The following C12orf42 variants were observed in gnomAD, a reference collection of about 807,000 sequenced individuals.
C12orf42 encodes the protein chromosome 12 open reading frame 42.
Under a neutral mutation model 21.6 loss-of-function variants are expected in C12orf42, and 25 were observed. The observed-to-expected ratio is 1.16, with a 90% confidence interval of 0.84 to 1.62. The LOEUF (loss-of-function observed/expected upper bound fraction) is 1.62. C12orf42 is among the 40% of genes most tolerant of loss of function. C12orf42 has a pLI of 0.00. For missense variants in C12orf42, 483 were observed against 459.3 expected (o/e 1.05, Z -0.47); for synonymous variants, 174 against 175.0 (o/e 0.99, Z 0.05).
the C12orf42 span, among the ~76,000 whole-genome samples, chr12:103,055,959 T>A: frequency 3.3e-5 from 5 of 152,224 alleles, no homozygotes; most frequent in South Asian, 8.3e-4. Flanking sequence ...TGACCCATGA[T>A]ATAGTCTATT....
In C12orf42 at chr12:103,302,306, C is replaced by T; in HGVS notation, c.885G>A (p.Arg295=). The T allele has an allele frequency of 6.2e-7, 1 of 1,613,908 alleles. No individual in the cohort carries two copies. Among genetic ancestry groups the T allele is most frequent in the Non-Finnish European group, 8.5e-7 (1 of 1,179,872 alleles). The change falls in exon 6 of 6, where the codon AGG becomes AGA. Residue 295 remains arginine, a synonymous_variant. Transcript: ENST00000548883. ...GGAGGGAGGTGTCCGCCTGAGGCCT[C>T]CTGTCCCGCGGGGTATGAGGATGCT... is the stretch of plus-strand genomic sequence containing the variant. ...LPKHPHTPRD[R]RPQADTSLHG... is the part of the protein sequence containing the mutation.
chr12:103,456,844 T>A (rs1020509441), intron 2 of C12orf42, among the ~76,000 whole-genome samples: 2 of 152,206 alleles, frequency 1.3e-5, no homozygotes, highest in African/African-American at 4.8e-5. Context: ...TGTATTACTT[T>A]ACTAAATCAA....
At chr12:103,449,449 C>G (rs1951800658) in intron 2 of C12orf42, among the ~76,000 whole-genome samples, 1 of 151,824 alleles carries the variant, frequency 6.6e-6, no homozygotes, top group African/African-American at 2.4e-5. Context: ...AGAACTTATT[C>G]ATGTAACCAA....
intron 4 of C12orf42, among the ~76,000 whole-genome samples, chr12:103,359,961 C>T (rs1047692149): frequency 2.0e-5 from 3 of 151,596 alleles, no homozygotes; most frequent in African/African-American, 7.3e-5. Context: ...TGAATATTAC[C>T]TCCTAAGTAG....
chr12:103,060,262 A>T, the C12orf42 span, among the ~76,000 whole-genome samples: 2 of 152,202 alleles, frequency 1.3e-5, no homozygotes, highest in Non-Finnish European at 2.9e-5. Flanking sequence ...TAGGAATACA[A>T]CTTACAAGGG....
At chr12:103,090,894 G>A in the C12orf42 span, among the ~76,000 whole-genome samples, 1 of 151,824 alleles carries the variant, frequency 6.6e-6, no homozygotes, top group Non-Finnish European at 1.5e-5. Context: ...AGAGAGGGAG[G>A]GCTCTTCATG....
At chr12:103,074,700 G>A in the C12orf42 span, among the ~76,000 whole-genome samples, 7,360 of 152,234 alleles carry the variant, frequency 0.048, 210 homozygotes, top group Non-Finnish European at 0.062. Context: ...TATAAAGTTA[G>A]AATGCATATG....
chr12:103,517,868 C>T, the C12orf42 span, among the ~76,000 whole-genome samples: 1 of 151,972 alleles, frequency 6.6e-6, no homozygotes, highest in African/African-American at 2.4e-5. Flanking sequence ...AAAGAAAACC[C>T]ACAGAAAATA....
intron 4 of C12orf42, among the ~76,000 whole-genome samples, chr12:103,367,513 C>T (rs910003258): frequency 4.0e-5 from 6 of 151,152 alleles, no homozygotes; most frequent in Admixed American, 6.6e-5. Flanking sequence ...AATGCACTGA[C>T]GTGGGAAGAG....
the C12orf42 span, among the ~76,000 whole-genome samples, chr12:103,226,038 A>G: frequency 3.3e-5 from 5 of 152,170 alleles, no homozygotes; most frequent in African/African-American, 1.2e-4. Context: ...GGTGAGTTGA[A>G]CAGTCCAATT....
intron 4 of C12orf42, among the ~76,000 whole-genome samples, chr12:103,295,867 T>A (rs1171052169): frequency 1.3e-5 from 2 of 152,038 alleles, no homozygotes; most frequent in Non-Finnish European, 2.9e-5. Flanking sequence ...TTTTTTAAAT[T>A]TTTTTTTAAA....
At chr12:103,328,086 C>T (rs1014657148) in intron 4 of C12orf42, among the ~76,000 whole-genome samples, 3 of 152,126 alleles carry the variant, frequency 2.0e-5, no homozygotes, top group African/African-American at 7.2e-5. Flanking sequence ...CAAGCAGCCT[C>T]CTTCTTCATG....
the C12orf42 span, among the ~76,000 whole-genome samples, chr12:103,133,632 C>G: frequency 7.0e-6 from 1 of 142,552 alleles, no homozygotes; most frequent in Non-Finnish European, 1.5e-5. Flanking sequence ...CCAAAGAAAT[C>G]ATATGAAGAC....
chr12:103,057,291 A>C, the C12orf42 span, among the ~76,000 whole-genome samples: 1 of 151,504 alleles, frequency 6.6e-6, no homozygotes, highest in African/African-American at 2.4e-5. Flanking sequence ...CTATCAACCC[A>C]TCATCTAGGT....
the C12orf42 span, among the ~76,000 whole-genome samples, chr12:103,068,969 A>ATATATATATATG: frequency 3.3e-5 from 3 of 91,716 alleles, no homozygotes; most frequent in East Asian, 9.1e-4. Context: ...ATATATATAT[A>ATATATATATATG]TATATATATA....
chr12:103,434,979 C>T (rs1432806365), intron 2 of C12orf42, among the ~76,000 whole-genome samples: 1 of 152,230 alleles, frequency 6.6e-6, no homozygotes, highest in African/African-American at 2.4e-5. Context: ...CAGCAGTAAC[C>T]TCTGCAGACT....
the C12orf42 span, among the ~76,000 whole-genome samples, chr12:103,116,396 A>ATATG: frequency 1.4e-5 from 2 of 147,556 alleles, no homozygotes; most frequent in Non-Finnish European, 3.0e-5. Context: ...ATATATATAT[A>ATATG]TATGTATACA....
intron 4 of C12orf42, among the ~76,000 whole-genome samples, chr12:103,318,481 G>A (rs1485126940): frequency 6.6e-6 from 1 of 152,108 alleles, no homozygotes; most frequent in Non-Finnish European, 1.5e-5. Context: ...ACAGTTTTCT[G>A]TTGTTCCATA....
intron 10 of C12orf42, among the ~76,000 whole-genome samples, chr12:103,256,133 C>CGTAT (rs2034597321): frequency 9.4e-6 from 1 of 106,662 alleles, no homozygotes; most frequent in Admixed American, 1.0e-4. Flanking sequence ...CACACACACA[C>CGTAT]ACACACACAC....
Sources: allele counts gnomAD v4.1 joint callset (sites outside exome capture counted in the v4.1 genomes callset), GRCh38; gene constraint gnomAD v4.1.1; transcripts MANE v1.5; gene names NCBI Gene and HGNC (gene_info 2026-07-23, HGNC 2026-07-21).